The following TKTL1 variants were observed in gnomAD, a reference collection of about 807,000 sequenced individuals.
TKTL1 encodes transketolase-like protein 1.
TKTL1 carries 1 observed loss-of-function variant against 39.3 expected under a neutral mutation model. That is an observed-to-expected ratio of 0.03 (90% CI 0.01 to 0.12). TKTL1 has a LOEUF of 0.12. Ranked by LOEUF, TKTL1 falls within the 10% of genes least tolerant of loss-of-function variation. TKTL1 has a pLI of 1.00. For synonymous variants in TKTL1, 262 were observed against 193.8 expected (o/e 1.35, Z -2.92); for missense variants, 575 against 509.6 (o/e 1.13, Z -1.24).
chrX:154,304,633 TC>T (rs1442935053), intron 1 of TKTL1, among the ~76,000 whole-genome samples: 2 of 107,905 alleles, frequency 1.9e-5, no homozygotes, highest in Non-Finnish European at 3.9e-5. Context: ...GGAGGGACAG[TC>T]CCCATTTTCT....
Position 154,310,901 on chromosome X carries a change from C to T in TKTL1, c.416C>T (p.Ala139Val), listed in dbSNP as rs1557168176. The change falls in exon 4 of 13, where the codon GCC (alanine) becomes GTC (valine). Residue 139 changes from alanine (A) to valine (V), a missense_variant. Coordinates refer to ENST00000369915, the MANE Select transcript of TKTL1 (RefSeq NM_012253.4). ...SSEGSVWEAM[A>V]FASYYSLDNL... ...GAAGGCTCTGTCTGGGAGGCAATGGCCTTTGCTTCCTACTACAGTCTGGAC... is the reference window on the plus strand; with the variant it reads ...GAAGGCTCTGTCTGGGAGGCAATGGTCTTTGCTTCCTACTACAGTCTGGAC... 2.5e-6 allele frequency: 3 copies of T among 1,211,662 alleles called. No homozygotes were observed. The highest frequency in any genetic ancestry group is 1.8e-5 in the South Asian group (1 of 57,008).
chrX:154,327,318 G>A, intron 10 of TKTL1: 1 of 514,096 alleles, frequency 1.9e-6, no homozygotes. Flanking sequence ...GTTAGTCACT[G>A]GAGTCCAATC....
intron 1 of TKTL1, among the ~76,000 whole-genome samples, chrX:154,298,577 C>T (rs1322936490): frequency 9.0e-6 from 1 of 111,403 alleles, no homozygotes; most frequent in East Asian, 2.8e-4. Flanking sequence ...CTAGACATGG[C>T]GAGCACCTGT....
At chrX:154,307,927 A>T (rs1357883677) in intron 2 of TKTL1, among the ~76,000 whole-genome samples, 1 of 111,878 alleles carries the variant, frequency 8.9e-6, no homozygotes, top group Non-Finnish European at 1.9e-5. Flanking sequence ...GGCACAAAGC[A>T]TGCAGAGAAT....
At position 154,314,961 on chromosome X, in the gene TKTL1, C is replaced by T. The variant is rs782620197; in HGVS notation, c.865-212C>T. On this transcript the variant is annotated intron_variant, in intron 6 of 12. Transcript: ENST00000369915. ...TAAAAAGAGCACAATTTGAGAAAAACTTGGGTGCCACATCAGCCATTTAGT... is the reference window on the plus strand; with the variant it reads ...TAAAAAGAGCACAATTTGAGAAAAATTTGGGTGCCACATCAGCCATTTAGT... Among the ~76,000 whole-genome samples, 3 of 111,598 alleles carry T rather than the reference C, an allele frequency of 2.7e-5. No individual in the cohort carries two copies. In the South Asian group the frequency reaches 1.1e-3, roughly 41 times the overall value.
intron 5 of TKTL1, among the ~76,000 whole-genome samples, chrX:154,311,544 G>A (rs1033965996): frequency 2.7e-5 from 3 of 111,304 alleles, no homozygotes; most frequent in Admixed American, 9.6e-5. Context: ...ATCAGAAAGC[G>A]TGCTGTGTGT....
chrX:154,314,965 G>T (rs782271075), intron 6 of TKTL1, among the ~76,000 whole-genome samples: 1 of 111,462 alleles, frequency 9.0e-6, no homozygotes, highest in Admixed American at 9.6e-5. Flanking sequence ...GAAAAACTTG[G>T]GTGCCACATC....
Position 154,311,044 on chromosome X carries a change from G to C in TKTL1, c.542+17G>C, listed in dbSNP as rs1569550927. ...AGCCTTTGGGTAACTGTATTCTCTT[G>C]TGCTTGATTTCCATTCTGTCCTGCC... On this transcript the variant is annotated intron_variant, in intron 4 of 12. Coordinates refer to ENST00000369915, the MANE Select transcript of TKTL1 (RefSeq NM_012253.4). 8.3e-7 allele frequency: 1 copy of C among 1,211,310 alleles called. No homozygotes were observed. Among genetic ancestry groups the C allele is most frequent in the South Asian group, 1.8e-5 (1 of 56,932 alleles).
At position 154,296,008 on chromosome X, in the gene TKTL1, T is replaced by C. The variant is rs1557164345; in HGVS notation, c.134+15T>C. On this transcript the variant is annotated intron_variant, in intron 1 of 12. Transcript: ENST00000369915. Reference sequence around the variant, plus strand: ...ACGAGCTCCGGGTAAGTTCTCCTCATTGAAGTCTGGGTCATGCAGGGCCAC... The same window carrying C: ...ACGAGCTCCGGGTAAGTTCTCCTCACTGAAGTCTGGGTCATGCAGGGCCAC... The C allele has an allele frequency of 8.3e-7, 1 of 1,209,568 alleles. No individual in the cohort carries two copies. Among genetic ancestry groups the C allele is most frequent in the South Asian group, 1.8e-5 (1 of 56,651 alleles).
chrX:154,306,798 G>A (rs1470262060), intron 2 of TKTL1, among the ~76,000 whole-genome samples: 7 of 109,293 alleles, frequency 6.4e-5, no homozygotes, highest in Non-Finnish European at 1.3e-4. Flanking sequence ...CACTACGACC[G>A]GCTAATTTTT....
chrX:154,308,575 A>G (rs886757653), intron 2 of TKTL1, among the ~76,000 whole-genome samples: 1 of 112,055 alleles, frequency 8.9e-6, no homozygotes, highest in Non-Finnish European at 1.9e-5. Flanking sequence ...GCAGTGACAG[A>G]GGCAAGGGAT....
chrX:154,328,391 C>A (rs1447592273), intron 12 of TKTL1, among the ~76,000 whole-genome samples: 1 of 105,922 alleles, frequency 9.4e-6, no homozygotes, highest in Non-Finnish European at 2.0e-5. Context: ...ACTAAAAATA[C>A]AAAAATTAGC....
chrX:154,307,750 G>C (rs2067326219), intron 2 of TKTL1, among the ~76,000 whole-genome samples: 1 of 112,498 alleles, frequency 8.9e-6, no homozygotes, highest in South Asian at 3.6e-4. Context: ...TTATGTTATA[G>C]GACTTCCAAG....
rs1557169146 is a variant in TKTL1 at position 154,315,288 on chromosome X, A to T, written c.980A>T (p.Lys327Met). Residue 327 changes from lysine (K) to methionine (M), a missense_variant, in exon 7 of 13, where the codon AAG (lysine) becomes ATG (methionine). Lys to Met is a moderately conservative substitution (Grantham distance 95). Transcript: ENST00000369915. Reference protein sequence around the residue: ...RYSTFSEIFNKEYPERFIECF... With the variant: ...RYSTFSEIFNMEYPERFIECF... ...TCTACTTTCTCTGAGATATTCAACA[A>T]GGAGTACCCTGAGCGCTTCATCGAG... The T allele has an allele frequency of 4.1e-6, 5 of 1,211,402 alleles. No individual in the cohort carries two copies. The highest frequency in any genetic ancestry group is 5.6e-6 in the Non-Finnish European group (5 of 895,242).
chrX:154,311,101 C>T lies in TKTL1; in HGVS notation c.543-10C>T, dbSNP rs2067354053. 3 of 1,210,187 alleles carry T rather than the reference C, an allele frequency of 2.5e-6. No homozygotes were observed. The Admixed American group carries it at 6.6e-5, about 26-fold the overall frequency. ...ATCTCTTGTAACCCAGCCTGCTCCT[C>T]TGTTGGCAGGTGGAACACTTATGTG... On this transcript the variant is annotated splice_polypyrimidine_tract_variant and intron_variant, in intron 4 of 12. Transcript: ENST00000369915.
At chrX:154,315,818 C>T (rs1318335103) in intron 7 of TKTL1, among the ~76,000 whole-genome samples, 1 of 112,476 alleles carries the variant, frequency 8.9e-6, no homozygotes, top group African/African-American at 3.2e-5. Context: ...ATGCTTAGAG[C>T]TGGTGCCTTA....
At chrX:154,308,450 T>A (rs1199259316) in intron 2 of TKTL1, among the ~76,000 whole-genome samples, 1 of 111,591 alleles carries the variant, frequency 9.0e-6, no homozygotes, top group Non-Finnish European at 1.9e-5. Flanking sequence ...CTCTACTTGG[T>A]GGGAGGTCGG....
At chrX:154,314,050 T>C (rs952931301) in intron 6 of TKTL1, among the ~76,000 whole-genome samples, 18 of 110,899 alleles carry the variant, frequency 1.6e-4, no homozygotes, top group African/African-American at 5.9e-4. Flanking sequence ...CAAAATTGAC[T>C]AAAAGAGGTA....
chrX:154,300,651 C>A (rs1168394853), intron 1 of TKTL1, among the ~76,000 whole-genome samples: 2 of 111,504 alleles, frequency 1.8e-5, no homozygotes, highest in African/African-American at 6.5e-5. Flanking sequence ...ATTTGTTCAT[C>A]AGATCTAAGA....
Sources: allele counts gnomAD v4.1 joint callset (sites outside exome capture counted in the v4.1 genomes callset), GRCh38; gene constraint gnomAD v4.1.1; transcripts MANE v1.5; gene names NCBI Gene and HGNC (gene_info 2026-07-23, HGNC 2026-07-21).